KCTD1: variants seen among roughly 807,000 people sequenced by gnomAD.
KCTD1 encodes potassium channel tetramerization domain containing 1.
KCTD1 carries 24 observed loss-of-function variants against 66.0 expected under a neutral mutation model. That is an observed-to-expected ratio of 0.36 (90% CI 0.26 to 0.51). KCTD1 has a LOEUF of 0.51. KCTD1 is among the 20% of genes least tolerant of loss of function. The pLI, the probability that KCTD1 is intolerant of heterozygous loss-of-function variation, is 0.95. For missense variants in KCTD1, 943 were observed against 1,205.2 expected (o/e 0.78, Z 3.22); for synonymous variants, 511 against 517.2 (o/e 0.99, Z 0.16).
chr18:26,560,911 C>A (rs1023448853), intron 1 of KCTD1, among the ~76,000 whole-genome samples: 1 of 152,180 alleles, frequency 6.6e-6, no homozygotes, highest in African/African-American at 2.4e-5. Flanking sequence ...CGCAGTAAAT[C>A]ATTTCTAGAA....
At chr18:26,456,059 G>A in intron 4 of KCTD1, 158 bp from the exon 5 acceptor site, 1 of 646,746 alleles carries the variant, frequency 1.5e-6, no homozygotes, top group East Asian at 2.8e-5. Context: ...TGGATTAATG[G>A]GCAGGAGAGA....
At chr18:26,480,393 G>T (rs1981578831) in intron 2 of KCTD1, among the ~76,000 whole-genome samples, 1 of 152,062 alleles carries the variant, frequency 6.6e-6, no homozygotes, top group South Asian at 2.1e-4. Context: ...AGATTGGAAA[G>T]TTCACTCAAA....
intron 1 of KCTD1, chr18:26,600,379 C>A: frequency 9.5e-7 from 1 of 1,053,244 alleles, no homozygotes; most frequent in South Asian, 1.3e-5. Context: ...CTCCTCCAGC[C>A]AACTCCTGTC....
intron 2 of KCTD1, among the ~76,000 whole-genome samples, chr18:26,496,622 T>TA (rs910478638): frequency 2.9e-4 from 44 of 152,022 alleles, no homozygotes; most frequent in Non-Finnish European, 5.9e-4. Context: ...TCCCTTTAGC[T>TA]AAAAAAACAC....
At position 26,546,841 on chromosome 18, in the gene KCTD1, C is replaced by A; in HGVS notation, c.1696G>T (p.Val566Leu). 2.6e-6 allele frequency: 4 copies of A among 1,525,478 alleles called. No homozygotes were observed. The highest frequency in any genetic ancestry group is 3.5e-6 in the Non-Finnish European group (4 of 1,137,028). 94.5% of individuals were successfully genotyped at this position (1,525,478 alleles called of 1,614,324 possible). The change falls in exon 1 of 5, where the codon GTG (valine) becomes TTG (leucine). Residue 566 changes from valine (V) to leucine (L), a missense_variant. By Grantham distance (32) the Val-to-Leu change is conservative. Coordinates refer to ENST00000580059, the MANE Select transcript of KCTD1 (RefSeq NM_001142730.3). The part of the protein sequence containing the change: ...CIRPSEPVDA[V>L]VVVSVKHDPL... Reference sequence around the variant, plus strand: ...TCGTGTTTCACGGAAACCACCACCACCGCATCCACAGGCTCCGAGGGGCGG... The same window carrying A: ...TCGTGTTTCACGGAAACCACCACCAACGCATCCACAGGCTCCGAGGGGCGG...
chr18:26,611,829 GTT>G (rs1432874867), intron 1 of KCTD1, among the ~76,000 whole-genome samples: 12 of 152,162 alleles, frequency 7.9e-5, no homozygotes, highest in African/African-American at 2.9e-4. Context: ...AGACTTACAT[GTT>G]GCTATAAATA....
At chr18:26,549,138 G>A (rs1220357687), upstream of KCTD1, 7 of 984,918 alleles carry the variant, frequency 7.1e-6, no homozygotes, top group South Asian at 4.7e-5. Flanking sequence ...CAGGGTGGAG[G>A]AGGCACGGCG....
At chr18:26,603,049 T>C (rs1337797314) in intron 1 of KCTD1, among the ~76,000 whole-genome samples, 1 of 152,040 alleles carries the variant, frequency 6.6e-6, no homozygotes, top group African/African-American at 2.4e-5. Flanking sequence ...ATAAATGGTG[T>C]GGGAGAACTG....
rs201089658 is a variant in KCTD1 at position 26,459,715 on chromosome 18, C to T, written c.2344G>A (p.Val782Met). Residue 782 changes from valine to methionine, a missense_variant, in exon 4 of 5, where the codon GTG (valine) becomes ATG (methionine). Physicochemically the swap from Val to Met is conservative, Grantham distance 21. Around this residue, in one of 10 missense-constraint regions of KCTD1, gnomAD observed 162 missense variants for 232.4 expected, o/e 0.70. Coordinates refer to ENST00000580059, the MANE Select transcript of KCTD1 (RefSeq NM_001142730.3). ...IEEVFPEIGDVMCNSVNAGWN... is the reference protein window; with the variant it reads ...IEEVFPEIGDMMCNSVNAGWN... ...CCTGCATTGACAGAGTTACACATCA[C>T]GTCGCCGATCTCTGGAAATACTTCT... 27 of 1,614,106 alleles carry T rather than the reference C, an allele frequency of 1.7e-5. No individual in the cohort carries two copies. The highest frequency in any genetic ancestry group is 3.3e-5 in the Admixed American group (2 of 60,022).
intron 2 of KCTD1, among the ~76,000 whole-genome samples, chr18:26,483,240 T>C (rs1333217994): frequency 1.3e-5 from 2 of 152,168 alleles, no homozygotes; most frequent in Non-Finnish European, 2.9e-5. Context: ...TTTTAAAAAA[T>C]CTGATTTAAA....
intron 2 of KCTD1, among the ~76,000 whole-genome samples, chr18:26,480,754 G>T (rs577371532): frequency 2.0e-5 from 3 of 152,102 alleles, no homozygotes; most frequent in African/African-American, 7.2e-5. Flanking sequence ...GCAACAGAGC[G>T]AGACTTTGTC....
intron 1 of KCTD1, among the ~76,000 whole-genome samples, chr18:26,591,799 T>C (rs965348869): frequency 2.0e-5 from 3 of 152,200 alleles, no homozygotes; most frequent in African/African-American, 7.2e-5. Context: ...GTGTATATAA[T>C]AAATAAATTA....
intron 3 of KCTD1, among the ~76,000 whole-genome samples, chr18:26,470,662 C>T (rs767052018): frequency 3.9e-5 from 6 of 152,248 alleles, no homozygotes; most frequent in Non-Finnish European, 7.3e-5. Flanking sequence ...GCTGTTCCCA[C>T]TCTCGTAGCT....
chr18:26,655,067 G>A (rs1465324350), intron 1 of KCTD1, among the ~76,000 whole-genome samples: 2 of 152,188 alleles, frequency 1.3e-5, no homozygotes, highest in Admixed American at 6.5e-5. Flanking sequence ...CATATATGTA[G>A]GTGAATTCCT....
chr18:26,565,674 T>G (rs1985965022), intron 1 of KCTD1: 1 of 152,174 alleles, frequency 6.6e-6, no homozygotes, highest in South Asian at 2.1e-4. Flanking sequence ...TGAGCCATGC[T>G]TTGTTTCCAG....
chr18:26,465,388 CTTTCT>C (rs1213324168), intron 3 of KCTD1, among the ~76,000 whole-genome samples: 1 of 152,138 alleles, frequency 6.6e-6, no homozygotes, highest in African/African-American at 2.4e-5. Flanking sequence ...CCGGCCCATT[CTTTCT>C]TTTCTTCAAA....
chr18:26,622,102 G>A (rs545765221), intron 1 of KCTD1, among the ~76,000 whole-genome samples: 1 of 152,264 alleles, frequency 6.6e-6, no homozygotes, highest in Non-Finnish European at 1.5e-5. Context: ...AAAACAGAGG[G>A]ACTTATTAAG....
At chr18:26,498,145 C>T (rs1304298275) in intron 2 of KCTD1, among the ~76,000 whole-genome samples, 2 of 152,156 alleles carry the variant, frequency 1.3e-5, no homozygotes, top group African/African-American at 4.8e-5. Context: ...GTTCAGAAAT[C>T]AGACCTTTCC....
In KCTD1 at chr18:26,548,339, G is replaced by C; in HGVS notation, c.198C>G (p.Ile66Met). 3 of 1,489,164 alleles carry C rather than the reference G, an allele frequency of 2.0e-6. No individual in the cohort carries two copies. The highest frequency in any genetic ancestry group is 2.7e-6 in the Non-Finnish European group (3 of 1,121,094). 92.2% of individuals were successfully genotyped at this position (1,489,164 alleles called of 1,614,324 possible). ...CGTCCCCCGTTATCTGCACCTCCTGGATCTCGTCCTCCTCCTCCTCTTCCT... is the reference window on the plus strand; with the variant it reads ...CGTCCCCCGTTATCTGCACCTCCTGCATCTCGTCCTCCTCCTCCTCTTCCT... ...EEEEEEEEDEIQEVQITGDEE... is the reference protein window; with the variant it reads ...EEEEEEEEDEMQEVQITGDEE... The change falls in exon 1 of 5, where the codon ATC (isoleucine) becomes ATG (methionine). Residue 66 changes from isoleucine to methionine, a missense_variant. Coordinates refer to ENST00000580059, the MANE Select transcript of KCTD1 (RefSeq NM_001142730.3).
Sources: gnomAD v4.1 joint callset for allele counts (sites outside exome capture counted in the v4.1 genomes callset) on GRCh38, gnomAD v4.1.1 for gene constraint, gnomAD v4.1.1 regional missense constraint, MANE v1.5 for transcripts, NCBI Gene and HGNC (gene_info 2026-07-23, HGNC 2026-07-21) for gene names.